The following CDK5RAP2 variants were observed in gnomAD, a reference collection of about 807,000 sequenced individuals.
CDK5RAP2 encodes the protein CDK5 regulatory subunit associated protein 2, also known as CDK5 regulatory subunit-associated protein 2.
In CDK5RAP2, 147 loss-of-function variants were observed where a neutral mutation model predicts 232.9. That is an observed-to-expected ratio of 0.63 (90% CI 0.55 to 0.72). The LOEUF is 0.72. Ranked by LOEUF, CDK5RAP2 falls within the 30% of genes least tolerant of loss-of-function variation. The pLI is 0.00. For missense variants in CDK5RAP2, 2,195 were observed against 2,231.5 expected, an observed-to-expected ratio of 0.98 and a Z score of 0.33; for synonymous variants, 833 against 833.7, an observed-to-expected ratio of 1.00 and a Z score of 0.01.
At chr9:120,516,734 C>T (rs2040357654) in intron 12 of CDK5RAP2, among the ~76,000 whole-genome samples, 1 of 152,080 alleles carries the variant, frequency 6.6e-6, no homozygotes, top group Non-Finnish European at 1.5e-5. Context: ...GAGGGTGAGG[C>T]AGTAGGATCC....
At chr9:120,500,772 T>C (rs758910033) in intron 12 of CDK5RAP2, among the ~76,000 whole-genome samples, 3 of 152,200 alleles carry the variant, frequency 2.0e-5, no homozygotes, top group Non-Finnish European at 4.4e-5. Context: ...CTAATGCCAT[T>C]AGAGAAGAGG....
At position 120,566,397 on chromosome 9, in the gene CDK5RAP2, T is replaced by C. The variant is rs138668676; in HGVS notation, c.195+1924A>G. ...AACAGCAACCAAAGGACTACAGTCA[T>C]AAAGAAAAAAACATAAATCCTAAAA... On this transcript the variant is annotated intron_variant, in intron 3 of 37. Coordinates refer to ENST00000349780, the MANE Select transcript of CDK5RAP2 (RefSeq NM_018249.6). 2.5e-3 allele frequency among the ~76,000 whole-genome samples: 384 copies of C among 152,138 alleles called. 3 individuals are homozygous for C. Among genetic ancestry groups the C allele is most frequent in the African/African-American group, 8.7e-3 (360 of 41,522 alleles).
intron 28 of CDK5RAP2, among the ~76,000 whole-genome samples, chr9:120,413,827 GGGAGGAGGGAGGAGGGAA>G (rs969968690): frequency 1.4e-5 from 2 of 145,928 alleles, no homozygotes; most frequent in African/African-American, 2.6e-5. Flanking sequence ...GGAGGGAGGA[GGGAGGAGGGAGGAGGGAA>G]GGAGGAGGGA....
intron 27 of CDK5RAP2, among the ~76,000 whole-genome samples, chr9:120,415,545 C>T (rs1302797116): frequency 1.3e-5 from 2 of 152,262 alleles, no homozygotes; most frequent in East Asian, 1.9e-4. Flanking sequence ...ATTAAACTAC[C>T]TTCATAATGA....
intron 36 of CDK5RAP2, among the ~76,000 whole-genome samples, chr9:120,393,845 T>A (rs907074786): frequency 2.0e-5 from 3 of 152,158 alleles, no homozygotes; most frequent in Non-Finnish European, 4.4e-5. Flanking sequence ...ATCCCCAGCG[T>A]CCTAGCCACC....
intron 19 of CDK5RAP2, among the ~76,000 whole-genome samples, chr9:120,458,922 C>T (rs2036934808): frequency 6.6e-6 from 1 of 152,136 alleles, no homozygotes; most frequent in South Asian, 2.1e-4. Flanking sequence ...ATGGTACCTC[C>T]CGAGGTGGTT....
intron 21 of CDK5RAP2, among the ~76,000 whole-genome samples, chr9:120,449,641 G>A (rs1428332070): frequency 6.6e-6 from 1 of 152,088 alleles, no homozygotes; most frequent in Admixed American, 6.5e-5. Context: ...CTTAAATCCA[G>A]GCTATATTTA....
chr9:120,537,090 G>C (rs1472871220), intron 6 of CDK5RAP2, among the ~76,000 whole-genome samples: 1 of 152,070 alleles, frequency 6.6e-6, no homozygotes, highest in Non-Finnish European at 1.5e-5. Context: ...GGCCCTTGTG[G>C]TCATGAAAGT....
intron 5 of CDK5RAP2, among the ~76,000 whole-genome samples, chr9:120,545,183 G>T (rs2041791098): frequency 6.6e-6 from 1 of 151,876 alleles, no homozygotes; most frequent in Non-Finnish European, 1.5e-5. Context: ...CTGTCTCCCT[G>T]CCTCACCCAT....
intron 27 of CDK5RAP2, among the ~76,000 whole-genome samples, chr9:120,419,429 C>T (rs1301623895): frequency 2.0e-5 from 3 of 152,126 alleles, no homozygotes; most frequent in Non-Finnish European, 2.9e-5. Context: ...CAACTCAAAG[C>T]AGAAGAGTCT....
chr9:120,409,191 C>T lies in CDK5RAP2; in HGVS notation c.4540G>A (p.Glu1514Lys), dbSNP rs1329397628. ...ENERLQKEGS[E>K]KERHNQQLIQ... ...AGCTGCTGGTTGTGTCTCTCCTTCT[C>T]GCTGCCTTCTTTCTGCAGCCTTTCA... The change falls in exon 30 of 38, where the codon GAG (glutamate) becomes AAG (lysine). Residue 1514 changes from glutamate (E) to lysine (K), a missense_variant. Coordinates refer to ENST00000349780, the MANE Select transcript of CDK5RAP2 (RefSeq NM_018249.6). 2.5e-6 allele frequency: 4 copies of T among 1,613,792 alleles called. No homozygotes were observed. The highest frequency in any genetic ancestry group is 2.2e-5 in the East Asian group (1 of 44,892).
At chr9:120,486,049 G>C (rs781482352) in intron 14 of CDK5RAP2, among the ~76,000 whole-genome samples, 3 of 152,204 alleles carry the variant, frequency 2.0e-5, no homozygotes, top group Non-Finnish European at 4.4e-5. Context: ...GGCTAGCATT[G>C]GTTGCTAATA....
chr9:120,391,160 A>C (rs1321230427), intron 36 of CDK5RAP2, among the ~76,000 whole-genome samples: 4 of 152,064 alleles, frequency 2.6e-5, no homozygotes, highest in African/African-American at 9.7e-5. Flanking sequence ...GGGGCCTGAG[A>C]CCCAGAAAAG....
intron 18 of CDK5RAP2, 59 bp from the exon 19 acceptor site, chr9:120,460,726 TG>T (rs1312100729): frequency 6.2e-7 from 1 of 1,611,086 alleles, no homozygotes; most frequent in Non-Finnish European, 8.5e-7. Flanking sequence ...AGCATGAATA[TG>T]TATGAATAAG....
intron 12 of CDK5RAP2, among the ~76,000 whole-genome samples, chr9:120,506,014 T>A (rs1298762480): frequency 6.6e-6 from 1 of 152,202 alleles, no homozygotes; most frequent in East Asian, 1.9e-4. Flanking sequence ...TCAATGCAGA[T>A]GAAACAGCCT....
chr9:120,411,197 C>T (rs2033824053), intron 29 of CDK5RAP2, among the ~76,000 whole-genome samples, 161 bp downstream of exon 29: 1 of 152,190 alleles, frequency 6.6e-6, no homozygotes, highest in South Asian at 2.1e-4. Flanking sequence ...AGCTATAAAA[C>T]AGAAACACCT....
At chr9:120,482,136 G>T (rs1488937912) in intron 14 of CDK5RAP2, among the ~76,000 whole-genome samples, 1 of 152,132 alleles carries the variant, frequency 6.6e-6, no homozygotes, top group Admixed American at 6.5e-5. Flanking sequence ...GCTTAAGTAT[G>T]TAACTTCAAA....
At chr9:120,435,882 C>T (rs2035551672) in intron 25 of CDK5RAP2, among the ~76,000 whole-genome samples, 1 of 151,964 alleles carries the variant, frequency 6.6e-6, no homozygotes, top group Non-Finnish European at 1.5e-5. Flanking sequence ...GTACATGCCA[C>T]CTAATATAAA....
At chr9:120,446,882 C>T (rs2036222051) in intron 22 of CDK5RAP2, among the ~76,000 whole-genome samples, 1 of 152,162 alleles carries the variant, frequency 6.6e-6, no homozygotes. Context: ...AATCCTGCCC[C>T]TCCTCCACAT....
Sources: gnomAD v4.1 joint callset for allele counts (sites outside exome capture counted in the v4.1 genomes callset) on GRCh38, gnomAD v4.1.1 for gene constraint, MANE v1.5 for transcripts, NCBI Gene and HGNC (gene_info 2026-07-23, HGNC 2026-07-21) for gene names.